Variants in OSBPL9 observed in about 807,000 individuals in gnomAD.
OSBPL9 encodes the protein oxysterol binding protein like 9.
OSBPL9 carries 40 observed loss-of-function variants against 106.6 expected under a neutral mutation model. The ratio of observed to expected loss-of-function variants is 0.38; its 90% CI spans 0.29 to 0.49. The LOEUF is 0.49. OSBPL9 is among the 20% of genes least tolerant of loss of function. OSBPL9 has a pLI of 0.97. For synonymous variants in OSBPL9, 269 were observed against 295.4 expected (o/e 0.91, Z 0.92); for missense variants, 609 against 887.2 (o/e 0.69, Z 3.98).
At chr1:51,696,881 T>C (rs1249982892) in intron 3 of OSBPL9, among the ~76,000 whole-genome samples, 1 of 152,080 alleles carries the variant, frequency 6.6e-6, no homozygotes, top group Non-Finnish European at 1.5e-5. Context: ...AGTTGGGATA[T>C]AGGCTCATGC....
chr1:51,697,453 CTTTT>C (rs759965779), intron 3 of OSBPL9, among the ~76,000 whole-genome samples: 71 of 103,158 alleles, frequency 6.9e-4, no homozygotes, highest in African/African-American at 2.3e-3. Flanking sequence ...ATAGGGGTTA[CTTTT>C]TTTTTTTTTT....
chr1:51,761,635 A>G (rs112544859), intron 10 of OSBPL9, among the ~76,000 whole-genome samples: 1 of 152,190 alleles, frequency 6.6e-6, no homozygotes, highest in African/African-American at 2.4e-5. Flanking sequence ...GTATTGGCCT[A>G]CTGTGGCTGG....
chr1:51,677,570 G>A (rs1363846464), intron 3 of OSBPL9, among the ~76,000 whole-genome samples: 5 of 149,986 alleles, frequency 3.3e-5, no homozygotes, highest in Non-Finnish European at 5.9e-5. Flanking sequence ...TTTTTGAGAC[G>A]GAGTCTCGCC....
chr1:51,705,399 ATTTTTT>A (rs869169566), intron 3 of OSBPL9, among the ~76,000 whole-genome samples: 15 of 40,428 alleles, frequency 3.7e-4, no homozygotes, highest in African/African-American at 1.5e-3. Context: ...ATATATATAT[ATTTTTT>A]TTTTTTTTTT....
chr1:51,747,531 T>G (rs1668242009), intron 6 of OSBPL9, among the ~76,000 whole-genome samples: 1 of 151,058 alleles, frequency 6.6e-6, no homozygotes, highest in Non-Finnish European at 1.5e-5. Flanking sequence ...TTTTTTCTAA[T>G]TAACATTTTT....
intron 4 of OSBPL9, among the ~76,000 whole-genome samples, chr1:51,722,119 A>G (rs1206079261): frequency 2.0e-5 from 3 of 152,208 alleles, no homozygotes; most frequent in Admixed American, 6.5e-5. Flanking sequence ...CCAGAAGTTT[A>G]AGAGTAGCTT....
chr1:51,705,399 ATTTTTTTTTTTTTTTTT>A (rs869169566), intron 3 of OSBPL9, among the ~76,000 whole-genome samples: 2 of 40,458 alleles, frequency 4.9e-5, no homozygotes, highest in South Asian at 1.1e-3. Flanking sequence ...ATATATATAT[ATTTTTTTTTTTTTTTTT>A]TTTTTTTTTT....
rs777652604 is a variant in OSBPL9, at chr1:51,622,958, G to C, written c.111+5737G>C. On this transcript the variant is annotated intron_variant, in intron 1 of 23. Transcript: ENST00000428468. ...TTTAAGGGATTGGCAGAGGAAAAAAGCTTGCACAGGAGAGTGAAAAGGGAT... is the reference window on the plus strand; with the variant it reads ...TTTAAGGGATTGGCAGAGGAAAAAACCTTGCACAGGAGAGTGAAAAGGGAT... 3.7e-4 allele frequency among the ~76,000 whole-genome samples: 56 copies of C among 152,190 alleles called. 1 individual carries two copies. The highest frequency in any genetic ancestry group is 2.9e-4 in the African/African-American group (12 of 41,448).
chr1:51,557,042 T>A, the OSBPL9 span, among the ~76,000 whole-genome samples: 1 of 151,970 alleles, frequency 6.6e-6, no homozygotes, highest in African/African-American at 2.4e-5. Context: ...TTATTACAAG[T>A]TGCATGCCTG....
chr1:51,639,022 T>C (rs930370851), intron 1 of OSBPL9, among the ~76,000 whole-genome samples: 1 of 152,200 alleles, frequency 6.6e-6, no homozygotes, highest in African/African-American at 2.4e-5. Flanking sequence ...TAGTGTATCT[T>C]CGTAGAATTT....
chr1:51,770,570 G>A lies in OSBPL9; in HGVS notation c.939-1500G>A, dbSNP rs1490271658. On this transcript the variant is annotated intron_variant, in intron 12 of 23. Transcript: ENST00000428468. ...TGGAATTACAGGCGTGAGCCATCATGCCTGGCCCCAGTTCTGTCATTTAAT... is the reference window on the plus strand; with the variant it reads ...TGGAATTACAGGCGTGAGCCATCATACCTGGCCCCAGTTCTGTCATTTAAT... 2.0e-5 allele frequency among the ~76,000 whole-genome samples: 3 copies of A among 152,152 alleles called. No individual in the cohort carries two copies. The East Asian group carries it at 5.8e-4, about 29-fold the overall frequency.
intron 1 of OSBPL9, among the ~76,000 whole-genome samples, chr1:51,632,126 T>C (rs1358184261): frequency 6.6e-6 from 1 of 152,212 alleles, no homozygotes. Flanking sequence ...TATATATAAA[T>C]AGAAGGCATA....
chr1:51,749,587 A>T (rs1480433159), intron 7 of OSBPL9: 1 of 377,226 alleles, frequency 2.7e-6, no homozygotes, highest in South Asian at 2.0e-5. Flanking sequence ...GTGGGATTAC[A>T]GGTGTGAATC....
chr1:51,659,028 A>G (rs1467537480), intron 2 of OSBPL9, among the ~76,000 whole-genome samples: 3 of 152,268 alleles, frequency 2.0e-5, no homozygotes, highest in African/African-American at 7.2e-5. Context: ...AGATGTCATT[A>G]GTGCTCTATT....
chr1:51,677,646 G>A (rs2148789563), intron 3 of OSBPL9, among the ~76,000 whole-genome samples: 1 of 152,130 alleles, frequency 6.6e-6, no homozygotes, highest in East Asian at 2.0e-4. Flanking sequence ...CCGCCTACCG[G>A]GTTCAAGCAG....
At chr1:51,523,912 A>T in the OSBPL9 span, among the ~76,000 whole-genome samples, 1 of 152,194 alleles carries the variant, frequency 6.6e-6, no homozygotes. Flanking sequence ...AAAGTTGAGA[A>T]ATGTGAAGTG....
upstream of OSBPL9, among the ~76,000 whole-genome samples, chr1:51,614,922 A>C (rs199926618): frequency 6.6e-6 from 1 of 152,168 alleles, no homozygotes; most frequent in East Asian, 1.9e-4. Flanking sequence ...TGGCACCAGG[A>C]TCCACATTCT....
chr1:51,573,212 C>CA (rs5774102), upstream of OSBPL9, among the ~76,000 whole-genome samples: 211 of 118,542 alleles, frequency 1.8e-3, 2 homozygotes, highest in Middle Eastern at 4.9e-3. Flanking sequence ...ACTCCATCTC[C>CA]AAAAAAAAAA....
chr1:51,641,549 CTCTT>C (rs1645793268), intron 1 of OSBPL9, among the ~76,000 whole-genome samples: 1 of 152,150 alleles, frequency 6.6e-6, no homozygotes, highest in South Asian at 2.1e-4. Flanking sequence ...ACTTATGTGA[CTCTT>C]TCAGAAATTT....
Sources: allele counts gnomAD v4.1 joint callset (sites outside exome capture counted in the v4.1 genomes callset), GRCh38; gene constraint gnomAD v4.1.1; transcripts MANE v1.5; gene names NCBI Gene and HGNC (gene_info 2026-07-23, HGNC 2026-07-21).